The following DSCAM variants were observed in gnomAD, a reference collection of about 807,000 sequenced individuals.
DSCAM encodes cell adhesion molecule DSCAM.
In DSCAM, 47 loss-of-function variants were observed where a neutral mutation model predicts 217.7. The ratio of observed to expected loss-of-function variants is 0.22; its 90% CI spans 0.17 to 0.28. DSCAM has a LOEUF of 0.28. Ranked by LOEUF, DSCAM falls within the 10% of genes least tolerant of loss-of-function variation. The probability of loss-of-function intolerance (pLI) is 1.00; values close to 1 mark genes in which losing one functional copy is unlikely to be tolerated. For synonymous variants in DSCAM, 1,056 were observed against 1,015.3 expected, an observed-to-expected ratio of 1.04 and a Z score of -0.76; for missense variants, 2,080 against 2,618.3, an observed-to-expected ratio of 0.79 and a Z score of 4.49.
intron 8 of DSCAM, among the ~76,000 whole-genome samples, chr21:40,332,565 G>T (rs1035590546): frequency 6.6e-6 from 1 of 152,052 alleles, no homozygotes; most frequent in Non-Finnish European, 1.5e-5. Flanking sequence ...ATTAGAACAC[G>T]CAATTAAGCA....
At chr21:40,039,254 G>A (rs1235201394) in intron 32 of DSCAM, among the ~76,000 whole-genome samples, 1 of 151,776 alleles carries the variant, frequency 6.6e-6, no homozygotes, top group Non-Finnish European at 1.5e-5. Flanking sequence ...TACCAATGTA[G>A]GTTTTTGAAT....
chr21:40,587,122 C>T (rs1274150965), intron 3 of DSCAM, among the ~76,000 whole-genome samples: 5 of 152,018 alleles, frequency 3.3e-5, no homozygotes, highest in East Asian at 1.9e-4. Flanking sequence ...CGAATTAATA[C>T]GTGTAATAAT....
intron 3 of DSCAM, among the ~76,000 whole-genome samples, chr21:40,470,909 G>A (rs1302478294): frequency 6.6e-6 from 1 of 152,156 alleles, no homozygotes; most frequent in Non-Finnish European, 1.5e-5. Flanking sequence ...TATTGATTCA[G>A]TAGTCTTAGA....
intron 4 of DSCAM, among the ~76,000 whole-genome samples, chr21:40,368,877 T>C (rs1007532383): frequency 1.3e-5 from 2 of 152,356 alleles, no homozygotes. Context: ...AACGCATCAT[T>C]ATGTGAATGT....
chr21:40,673,450 C>T (rs1056841894), intron 3 of DSCAM, among the ~76,000 whole-genome samples: 17 of 152,194 alleles, frequency 1.1e-4, no homozygotes, highest in Admixed American at 5.9e-4. Context: ...AATTGTTGAA[C>T]TCAAGGCCTT....
Position 40,012,990 on chromosome 21 carries a change from T to C in DSCAM, c.*44A>G, listed in dbSNP as rs201713622. The stretch of plus-strand genomic sequence containing the variant: ...TAAAAAAAAGGTAGCTTTGATTGAA[T>C]TGTTTGAATTGTATTTACAACCGCT... On this transcript the variant is annotated 3_prime_UTR_variant, in exon 33 of 33. Coordinates refer to ENST00000400454, the MANE Select transcript of DSCAM (RefSeq NM_001389.5). 3.3e-4 allele frequency: 426 copies of C among 1,282,114 alleles called. 2 individuals are homozygous for C. The African/African-American group carries it at 5.0e-3, about 15-fold the overall frequency. The allele number at this position is 1,282,114 out of a possible 1,614,324, so 79.4% of individuals were successfully genotyped here.
intron 3 of DSCAM, among the ~76,000 whole-genome samples, chr21:40,418,177 T>C (rs2123811713): frequency 6.6e-6 from 1 of 152,254 alleles, no homozygotes; most frequent in African/African-American, 2.4e-5. Context: ...TTGAAAGCAT[T>C]GAGATTCAGT....
chr21:40,337,380 T>G lies in DSCAM; in HGVS notation c.1783+721A>C, dbSNP rs1183815582. Among the ~76,000 whole-genome samples, 10 of 152,228 alleles carry G rather than the reference T, an allele frequency of 6.6e-5. 1 individual carries two copies. Among genetic ancestry groups the G allele is most frequent in the Non-Finnish European group, 4.4e-5 (3 of 68,046 alleles). On this transcript the variant is annotated intron_variant, in intron 8 of 32. Coordinates refer to ENST00000400454, the MANE Select transcript of DSCAM (RefSeq NM_001389.5). ...TAGATTCCTTACATAATTAAAACAA[T>G]TTTATTTCATATTCAGCTCAGGAAA... is the stretch of plus-strand genomic sequence containing the variant.
intron 20 of DSCAM, among the ~76,000 whole-genome samples, chr21:40,113,379 C>G (rs1028902445): frequency 4.6e-5 from 7 of 152,138 alleles, no homozygotes; most frequent in African/African-American, 1.7e-4. Context: ...ATGCTAAAAA[C>G]TCTCAATAAA....
rs920944397 is a variant in DSCAM, at chr21:40,678,425, C to T, written c.508+14385G>A. Reference sequence around the variant, plus strand: ...TCACTGCTCAGGTGACTTTTCACATCTGGGTGCTTTCTTCATCTATAAAAT... The same window carrying T: ...TCACTGCTCAGGTGACTTTTCACATTTGGGTGCTTTCTTCATCTATAAAAT... On this transcript the variant is annotated intron_variant, in intron 3 of 32. Coordinates refer to ENST00000400454, the MANE Select transcript of DSCAM (RefSeq NM_001389.5). 3.3e-5 allele frequency among the ~76,000 whole-genome samples: 5 copies of T among 152,188 alleles called. No homozygotes were observed. In the South Asian group the frequency reaches 1.0e-3, roughly 32 times the overall value.
rs1024084694 is a variant in DSCAM, at chr21:40,040,298, C to G, written c.5686+2073G>C. Among the ~76,000 whole-genome samples, 10 of 152,268 alleles carry G rather than the reference C, an allele frequency of 6.6e-5. No individual in the cohort carries two copies. The East Asian group carries it at 1.5e-3, about 23-fold the overall frequency. On this transcript the variant is annotated intron_variant, in intron 32 of 32. Coordinates refer to ENST00000400454, the MANE Select transcript of DSCAM (RefSeq NM_001389.5). ...AACTTAGCTATGATCTTCCATTGCTCTAATGGGTCCAGGTCACAATATCAT... is the reference window on the plus strand; with the variant it reads ...AACTTAGCTATGATCTTCCATTGCTGTAATGGGTCCAGGTCACAATATCAT...
chr21:40,628,999 G>A lies in DSCAM; in HGVS notation c.508+63811C>T, dbSNP rs549135284. On this transcript the variant is annotated intron_variant, in intron 3 of 32. Coordinates refer to ENST00000400454, the MANE Select transcript of DSCAM (RefSeq NM_001389.5). ...TGGCCTCAAGCAATCTGCCGGCCTC[G>A]GCCTCCCTGGCCACTGCACCCAGCC... Among the ~76,000 whole-genome samples the A allele has an allele frequency of 9.2e-5, 14 of 152,004 alleles. No individual in the cohort carries two copies. In the South Asian group the frequency reaches 1.7e-3, roughly 18 times the overall value.
chr21:40,764,825 T>TC (rs1480255350), intron 1 of DSCAM, among the ~76,000 whole-genome samples: 3 of 152,040 alleles, frequency 2.0e-5, no homozygotes, highest in Non-Finnish European at 4.4e-5. Context: ...CTGGAAACCA[T>TC]CATCCTCAGC....
At chr21:40,469,980 A>T (rs1487674025) in intron 3 of DSCAM, among the ~76,000 whole-genome samples, 2 of 152,232 alleles carry the variant, frequency 1.3e-5, no homozygotes, top group Non-Finnish European at 2.9e-5. Context: ...TGCAAAATGA[A>T]AGGAGAAATC....
At chr21:40,681,455 G>T (rs1272047078) in intron 3 of DSCAM, among the ~76,000 whole-genome samples, 1 of 151,630 alleles carries the variant, frequency 6.6e-6, no homozygotes, top group Non-Finnish European at 1.5e-5. Context: ...CCCTGATGGG[G>T]CTGTCTGCTT....
rs199770994 is a variant in DSCAM at position 40,517,438 on chromosome 21, G to C, written c.509-148193C>G. Among the ~76,000 whole-genome samples the C allele has an allele frequency of 3.0e-3, 298 of 100,032 alleles. 1 individual carries two copies. Among genetic ancestry groups the C allele is most frequent in the African/African-American group, 0.011 (262 of 23,792 alleles). The allele number at this position is 100,032 out of a possible 152,430, so 65.6% of individuals were successfully genotyped here. A position where few individuals can be genotyped will look rare whatever the true frequency, so the allele number is the denominator to read the frequency against. On this transcript the variant is annotated intron_variant, in intron 3 of 32. Transcript: ENST00000400454. Reference sequence around the variant, plus strand: ...ACACACACACACACACACACACACAGACACGCATATTTTCTTCTGGGACCC... The same window carrying C: ...ACACACACACACACACACACACACACACACGCATATTTTCTTCTGGGACCC...
intron 19 of DSCAM, among the ~76,000 whole-genome samples, chr21:40,131,977 A>G (rs1358885277): frequency 6.6e-6 from 1 of 152,236 alleles, no homozygotes; most frequent in Non-Finnish European, 1.5e-5. Flanking sequence ...ATTGTGAGTT[A>G]ATAAGGATCT....
intron 11 of DSCAM, among the ~76,000 whole-genome samples, chr21:40,256,432 GA>G (rs2073372610): frequency 6.6e-6 from 1 of 150,622 alleles, no homozygotes; most frequent in South Asian, 2.1e-4. Flanking sequence ...GACAGAGAGA[GA>G]GAGAGACACA....
At chr21:40,398,290 A>G (rs2075200635) in intron 3 of DSCAM, among the ~76,000 whole-genome samples, 1 of 152,168 alleles carries the variant, frequency 6.6e-6, no homozygotes, top group Non-Finnish European at 1.5e-5. Context: ...CCCCTTAAAC[A>G]TGACCTTGTC....
Sources: gnomAD v4.1 joint callset for allele counts (sites outside exome capture counted in the v4.1 genomes callset) on GRCh38, gnomAD v4.1.1 for gene constraint, MANE v1.5 for transcripts, NCBI Gene and HGNC (gene_info 2026-07-23, HGNC 2026-07-21) for gene names.